The following NCKAP5 variants were observed in gnomAD, a reference collection of about 807,000 sequenced individuals.
The protein encoded by NCKAP5 is nck-associated protein 5.
NCKAP5 carries 92 observed loss-of-function variants against 167.0 expected under a neutral mutation model. That is an observed-to-expected ratio of 0.55 (90% CI 0.47 to 0.66). The LOEUF (loss-of-function observed/expected upper bound fraction) is 0.66, where lower values mean the gene tolerates loss of function less well. Among genes scored for constraint, NCKAP5 ranks in the 30% least tolerant of loss-of-function variants. NCKAP5 has a pLI of 0.00. For missense variants in NCKAP5, 2,378 were observed against 2,315.0 expected (o/e 1.03, Z -0.56); for synonymous variants, 891 against 877.4 (o/e 1.02, Z -0.27).
At chr2:133,166,463 G>A (rs2084005539) in intron 5 of NCKAP5, among the ~76,000 whole-genome samples, 1 of 152,006 alleles carries the variant, frequency 6.6e-6, no homozygotes, top group African/African-American at 2.4e-5. Context: ...TAGTGTTTTG[G>A]GGCTTAGTCA....
chr2:133,286,473 A>T (rs1375783585), intron 4 of NCKAP5, among the ~76,000 whole-genome samples: 1 of 152,220 alleles, frequency 6.6e-6, no homozygotes, highest in Non-Finnish European at 1.5e-5. Flanking sequence ...AATGACTTAT[A>T]TTCTTTGAGT....
chr2:133,457,736 T>G lies in NCKAP5; in HGVS notation c.69+59722A>C, dbSNP rs140287799. On this transcript the variant is annotated intron_variant, in intron 3 of 19. Transcript: ENST00000409261. ...TAATTTGAAAAAAGGAAATCTATTC[T>G]TAAAGGGCCAGTTTTTCTCCCTCTC... Among the ~76,000 whole-genome samples, 15 of 152,320 alleles carry G rather than the reference T, an allele frequency of 9.8e-5. No individual in the cohort carries two copies. In the East Asian group the frequency reaches 2.9e-3, roughly 29 times the overall value.
chr2:133,666,498 T>C, the NCKAP5 span, among the ~76,000 whole-genome samples: 1 of 151,894 alleles, frequency 6.6e-6, no homozygotes, highest in Non-Finnish European at 1.5e-5. Context: ...GTGCCCGGCC[T>C]TACATGAGTT....
intron 9 of NCKAP5, among the ~76,000 whole-genome samples, chr2:132,872,852 CA>C (rs1690935678): frequency 6.6e-6 from 1 of 152,182 alleles, no homozygotes; most frequent in Non-Finnish European, 1.5e-5. Context: ...TGGGTTAAAA[CA>C]GTGCCTATGT....
chr2:132,785,648 G>A lies in NCKAP5; in HGVS notation c.1163C>T (p.Thr388Ile), dbSNP rs62177019. The A allele has an allele frequency of 1.3e-6, 2 of 1,526,506 alleles. No homozygotes were observed. The highest frequency in any genetic ancestry group is 2.2e-5 in the Admixed American group (1 of 45,074). The allele number at this position is 1,526,506 out of a possible 1,614,324, so 94.6% of individuals were successfully genotyped here. Reference sequence around the variant, plus strand: ...GATACGAGTTGGAGGTAGTTCATTTGTAGGACTAGCAAAGCCACTTGGGAG... The same window carrying A: ...GATACGAGTTGGAGGTAGTTCATTTATAGGACTAGCAAAGCCACTTGGGAG... ...SSLPSGFASP[T>I]NELPPTRIKE... The change falls in exon 14 of 20, where the codon ACA becomes ATA. Residue 388 changes from threonine to isoleucine, a missense_variant. Thr to Ile is a moderately conservative substitution (Grantham distance 89, BLOSUM62 -1). Around this residue, in one of 3 missense-constraint regions of NCKAP5, gnomAD observed 1,049 missense variants for 1,023.4 expected, o/e 1.02. Coordinates refer to ENST00000409261, the MANE Select transcript of NCKAP5 (RefSeq NM_207363.3).
intron 2 of NCKAP5, among the ~76,000 whole-genome samples, chr2:133,549,587 T>A (rs1246834243): frequency 8.7e-5 from 13 of 150,076 alleles, no homozygotes; most frequent in African/African-American, 3.2e-4. Flanking sequence ...CCGGGACGCA[T>A]TCAAAGCAGT....
chr2:133,255,638 G>A (rs888713146), intron 4 of NCKAP5, among the ~76,000 whole-genome samples: 2 of 152,274 alleles, frequency 1.3e-5, no homozygotes, highest in Non-Finnish European at 2.9e-5. Flanking sequence ...GATACAAGAT[G>A]TCCCATAAAG....
upstream of NCKAP5, among the ~76,000 whole-genome samples, chr2:133,571,531 C>T (rs58043268): frequency 0.036 from 5,535 of 152,174 alleles, 348 homozygotes; most frequent in African/African-American, 0.13. Flanking sequence ...GGGAGAAGGA[C>T]GGCTGGGTGA....
At chr2:133,647,473 GAAGGA>G in the NCKAP5 span, among the ~76,000 whole-genome samples, 7,918 of 62,466 alleles carry the variant, frequency 0.13, 561 homozygotes, top group Middle Eastern at 0.14. Flanking sequence ...AAGGGCAAGG[GAAGGA>G]AAGGAAAGGA....
chr2:133,025,198 T>A (rs16845733), intron 6 of NCKAP5, among the ~76,000 whole-genome samples: 15,834 of 152,244 alleles, frequency 0.1, 1,111 homozygotes, highest in East Asian at 0.32. Context: ...TGCAAGAAGA[T>A]TTAAAACTAG....
rs143102083 is a variant in NCKAP5 at position 132,788,824 on chromosome 2, T to G, written c.1092+1199A>C. On this transcript the variant is annotated intron_variant, in intron 13 of 19. Transcript: ENST00000409261. Reference sequence around the variant, plus strand: ...AAATTCATATGATACAAGTTTATTATGTAAGTTAATACTACATGAGTACCC... The same window carrying G: ...AAATTCATATGATACAAGTTTATTAGGTAAGTTAATACTACATGAGTACCC... Among the ~76,000 whole-genome samples, 40 of 152,368 alleles carry G rather than the reference T, an allele frequency of 2.6e-4. No individual in the cohort carries two copies. In the East Asian group the frequency reaches 5.8e-3, roughly 22 times the overall value.
chr2:133,376,728 A>G (rs1298034506), intron 3 of NCKAP5, among the ~76,000 whole-genome samples: 3 of 152,206 alleles, frequency 2.0e-5, no homozygotes, highest in African/African-American at 4.8e-5. Context: ...GTGCCTTTCC[A>G]ATCTCATCTC....
At chr2:133,458,127 A>T (rs1461433127) in intron 3 of NCKAP5, among the ~76,000 whole-genome samples, 1 of 152,210 alleles carries the variant, frequency 6.6e-6, no homozygotes, top group Non-Finnish European at 1.5e-5. Flanking sequence ...ACAGAGTTAA[A>T]GACAAACTTT....
chr2:133,614,136 C>A, the NCKAP5 span, among the ~76,000 whole-genome samples: 1 of 152,136 alleles, frequency 6.6e-6, no homozygotes, highest in African/African-American at 2.4e-5. Flanking sequence ...AACTGGGTCA[C>A]CATTACAGGC....
chr2:132,708,858 G>A (rs1688595726), intron 19 of NCKAP5, among the ~76,000 whole-genome samples: 2 of 151,862 alleles, frequency 1.3e-5, no homozygotes, highest in Admixed American at 6.6e-5. Flanking sequence ...GTCTTTTTTT[G>A]GGTTGTATTT....
At chr2:133,559,151 T>C (rs540678244) in intron 1 of NCKAP5, 34 bp from the exon 2 acceptor site, 17 of 152,294 alleles carry the variant, frequency 1.1e-4, no homozygotes, top group African/African-American at 4.1e-4. Context: ...AATATGTGGC[T>C]CAAATAATTA....
chr2:132,715,647 A>T (rs1434016996), intron 19 of NCKAP5, among the ~76,000 whole-genome samples: 1 of 152,224 alleles, frequency 6.6e-6, no homozygotes, highest in Non-Finnish European at 1.5e-5. Flanking sequence ...AGCAGCCTCG[A>T]ATAATCTGTG....
chr2:133,366,699 A>C (rs1396913585), intron 3 of NCKAP5, among the ~76,000 whole-genome samples: 1 of 152,240 alleles, frequency 6.6e-6, no homozygotes, highest in Non-Finnish European at 1.5e-5. Context: ...CAGAAAAATT[A>C]TACACAGTTC....
chr2:133,543,532 G>A (rs990657428), intron 2 of NCKAP5, among the ~76,000 whole-genome samples: 3 of 152,112 alleles, frequency 2.0e-5, no homozygotes, highest in Non-Finnish European at 4.4e-5. Flanking sequence ...ACATCCAATA[G>A]TATTATTTCA....
Sources: allele counts gnomAD v4.1 joint callset (sites outside exome capture counted in the v4.1 genomes callset), GRCh38; gene constraint gnomAD v4.1.1; regional missense constraint gnomAD v4.1.1; transcripts MANE v1.5; gene names NCBI Gene and HGNC (gene_info 2026-07-23, HGNC 2026-07-21).